The following PIWIL1 variants were observed in gnomAD, a reference collection of about 807,000 sequenced individuals.
PIWIL1 encodes the protein piwi like RNA-mediated gene silencing 1, also known as piwi-like protein 1.
Under a neutral mutation model 114.4 loss-of-function variants are expected in PIWIL1, and 73 were observed. The observed-to-expected ratio is 0.64, with a 90% CI of 0.53 to 0.78. The LOEUF is 0.78. PIWIL1 is among the 30% of genes least tolerant of loss of function. The pLI is 0.00. For missense variants in PIWIL1, 723 were observed against 1,063.1 expected (o/e 0.68, Z 4.45); for synonymous variants, 375 against 369.0 (o/e 1.02, Z -0.19).
At chr12:130,411,589 G>A in the PIWIL1 span, among the ~76,000 whole-genome samples, 3 of 152,124 alleles carry the variant, frequency 2.0e-5, no homozygotes, top group African/African-American at 4.8e-5. Context: ...TCAAGTTACC[G>A]TTCCTTAACA....
chr12:130,367,627 A>G (rs2136193118), intron 19 of PIWIL1, among the ~76,000 whole-genome samples: 1 of 152,358 alleles, frequency 6.6e-6, no homozygotes, highest in East Asian at 1.9e-4. Flanking sequence ...AGTTGTCTAA[A>G]GGTCAAGAAG....
chr12:130,390,565 C>G, the PIWIL1 span, among the ~76,000 whole-genome samples: 2 of 152,280 alleles, frequency 1.3e-5, no homozygotes, highest in South Asian at 4.1e-4. Flanking sequence ...CATCACTGGT[C>G]CCGTTCACTT....
the PIWIL1 span, among the ~76,000 whole-genome samples, chr12:130,388,947 C>T: frequency 1.3e-5 from 2 of 152,044 alleles, no homozygotes; most frequent in Non-Finnish European, 2.9e-5. Context: ...AGATTACATC[C>T]ATTATAGGAT....
the PIWIL1 span, chr12:130,383,429 A>G: frequency 6.6e-6 from 1 of 152,202 alleles, no homozygotes; most frequent in Non-Finnish European, 1.5e-5. Context: ...GAATAGCTGT[A>G]TCTTTGTGGT....
downstream of PIWIL1, among the ~76,000 whole-genome samples, chr12:130,376,487 A>G (rs1330939324): frequency 6.6e-6 from 1 of 152,190 alleles, no homozygotes; most frequent in Non-Finnish European, 1.5e-5. Context: ...GGGCCTCCAG[A>G]CCGCATTTGA....
the PIWIL1 span, chr12:130,407,849 G>C: frequency 6.3e-7 from 1 of 1,599,432 alleles, no homozygotes; most frequent in Admixed American, 1.7e-5. Context: ...TCACAAGGGG[G>C]AAAGAAATCC....
the PIWIL1 span, among the ~76,000 whole-genome samples, chr12:130,406,701 C>G: frequency 1.3e-5 from 2 of 152,246 alleles, no homozygotes; most frequent in East Asian, 1.9e-4. Context: ...GGCTGGAGTG[C>G]AGCAGTGCAA....
At chr12:130,368,422 A>T (rs1303991647) in intron 19 of PIWIL1, among the ~76,000 whole-genome samples, 1 of 152,230 alleles carries the variant, frequency 6.6e-6, no homozygotes, top group Non-Finnish European at 1.5e-5. Context: ...GTTTAGTCTT[A>T]TCTAGTCTGC....
At chr12:130,385,996 A>G in the PIWIL1 span, among the ~76,000 whole-genome samples, 1 of 152,144 alleles carries the variant, frequency 6.6e-6, no homozygotes, top group Non-Finnish European at 1.5e-5. Flanking sequence ...AACTTTCTGA[A>G]GCTCCTTGCT....
chr12:130,372,849 G>A (rs969793740), downstream of PIWIL1, among the ~76,000 whole-genome samples: 1 of 152,142 alleles, frequency 6.6e-6, no homozygotes, highest in East Asian at 1.9e-4. Context: ...CAAAGAGAAG[G>A]CTTAAAATTA....
intron 7 of PIWIL1, among the ~76,000 whole-genome samples, chr12:130,348,854 C>T (rs2073140342): frequency 6.6e-6 from 1 of 152,018 alleles, no homozygotes; most frequent in Non-Finnish European, 1.5e-5. Flanking sequence ...GAGCCGAGAT[C>T]GTGCCAACTC....
In PIWIL1 at chr12:130,362,965, C is replaced by G. The variant is rs1322860526; in HGVS notation, c.2042-26C>G. On this transcript the variant is annotated intron_variant, in intron 17 of 20. Coordinates refer to ENST00000245255, the MANE Select transcript of PIWIL1 (RefSeq NM_004764.5). ...GAGTTGTGTCGTAGGCATGAATTGA[C>G]ATAAAACTTCTCTGGCCTGTTTCAG... 1.9e-6 allele frequency: 3 copies of G among 1,612,654 alleles called. No individual in the cohort carries two copies. The East Asian group carries it at 6.7e-5, about 36-fold the overall frequency.
downstream of PIWIL1, among the ~76,000 whole-genome samples, chr12:130,373,801 G>A (rs1334145324): frequency 2.0e-5 from 3 of 152,154 alleles, no homozygotes; most frequent in Non-Finnish European, 2.9e-5. Flanking sequence ...TGCATGCGGC[G>A]ACAGAGACTA....
the PIWIL1 span, among the ~76,000 whole-genome samples, chr12:130,408,324 C>T: frequency 1.3e-5 from 2 of 152,256 alleles, no homozygotes; most frequent in Admixed American, 6.5e-5. Context: ...GCACTGTCCT[C>T]AGGAGAAGCA....
chr12:130,361,014 A>G (rs2073494716), intron 14 of PIWIL1, among the ~76,000 whole-genome samples, 166 bp from the exon 15 acceptor site: 1 of 152,198 alleles, frequency 6.6e-6, no homozygotes, highest in South Asian at 2.1e-4. Context: ...GATGAGCAGT[A>G]TTTGTTAATG....
chr12:130,343,135 C>T lies in PIWIL1; in HGVS notation c.190+34C>T, dbSNP rs373676670. The stretch of plus-strand genomic sequence containing the variant: ...AAAGTAAAAGGAAGTCTTAACAACT[C>T]TGTTCAACATATACAGCAAATTTTA... On this transcript the variant is annotated intron_variant, in intron 3 of 20. Coordinates refer to ENST00000245255, the MANE Select transcript of PIWIL1 (RefSeq NM_004764.5). The T allele has an allele frequency of 2.5e-5, 36 of 1,461,856 alleles. No individual in the cohort carries two copies. The African/African-American group carries it at 5.0e-4, about 20-fold the overall frequency. 90.6% of individuals were successfully genotyped at this position (1,461,856 alleles called of 1,614,324 possible).
chr12:130,345,646 C>G, intron 3 of PIWIL1, 107 bp from the exon 4 acceptor site: 2 of 1,198,066 alleles, frequency 1.7e-6, no homozygotes, highest in South Asian at 1.4e-5. Context: ...GCCTTGTCTT[C>G]TACACCTCAG....
At chr12:130,421,724 T>TGTGTGTGTGTGTGTG in the PIWIL1 span, among the ~76,000 whole-genome samples, 3 of 151,366 alleles carry the variant, frequency 2.0e-5, no homozygotes, top group Admixed American at 6.6e-5. Flanking sequence ...TGTGTGTGTG[T>TGTGTGTGTGTGTGTG]TTTCATAGAA....
intron 9 of PIWIL1, 130 bp from the exon 10 acceptor site, chr12:130,354,407 T>G: frequency 8.5e-7 from 1 of 1,177,460 alleles, no homozygotes. Context: ...AAAACTTTAC[T>G]CTGAAGCTAT....
Sources: gnomAD v4.1 joint callset for allele counts (sites outside exome capture counted in the v4.1 genomes callset) on GRCh38, gnomAD v4.1.1 for gene constraint, MANE v1.5 for transcripts, NCBI Gene and HGNC (gene_info 2026-07-23, HGNC 2026-07-21) for gene names.